Variants in SWI5 observed in about 807,000 individuals in gnomAD.
SWI5 encodes SWI5 homologous recombination repair protein, also known as DNA repair protein SWI5 homolog.
Under a neutral mutation model 17.0 loss-of-function variants are expected in SWI5, and 12 were observed. The observed-to-expected ratio is 0.71, with a 90% CI of 0.45 to 1.14. The LOEUF is 1.14. Ranked by LOEUF, SWI5 falls within the 50% of genes most tolerant of loss-of-function variation. The probability of loss-of-function intolerance (pLI) is 0.00; values close to 1 mark genes in which losing one functional copy is unlikely to be tolerated. For synonymous variants in SWI5, 61 were observed against 64.0 expected (o/e 0.95, Z 0.22); for missense variants, 158 against 162.2 (o/e 0.97, Z 0.14).
At chr9:128,275,980 C>T (rs1248416801), upstream of SWI5, 11 of 1,598,944 alleles carry the variant, frequency 6.9e-6, no homozygotes, top group Non-Finnish European at 9.4e-6. Flanking sequence ...GCCACATCAG[C>T]GCGATCCCGG....
intron 2 of SWI5, among the ~76,000 whole-genome samples, chr9:128,282,222 A>G (rs771219043): frequency 2.8e-4 from 43 of 152,256 alleles, no homozygotes; most frequent in Non-Finnish European, 4.0e-4. Context: ...CCTTGTCTCT[A>G]CTAAAAATGG....
intron 1 of SWI5, 107 bp from the exon 2 acceptor site, chr9:128,276,600 C>T (rs770433029): frequency 5.6e-6 from 9 of 1,609,392 alleles, no homozygotes; most frequent in Non-Finnish European, 7.6e-6. Flanking sequence ...GATCCAGTCC[C>T]TGGCGCTCCT....
chr9:128,276,356 C>A, exon 1 of SWI5: 2 of 1,613,334 alleles, frequency 1.2e-6, no homozygotes, highest in Non-Finnish European at 1.7e-6. Flanking sequence ...CCCTCTTGCG[C>A]CATTGAACCC....
intron 2 of SWI5, among the ~76,000 whole-genome samples, chr9:128,277,608 C>T (rs540780347): frequency 3.3e-5 from 5 of 152,210 alleles, no homozygotes; most frequent in Non-Finnish European, 7.3e-5. Flanking sequence ...ATTGATTTAG[C>T]AACTGCTGCA....
chr9:128,281,652 T>C (rs1235907229), intron 2 of SWI5, among the ~76,000 whole-genome samples: 1 of 152,256 alleles, frequency 6.6e-6, no homozygotes, highest in Non-Finnish European at 1.5e-5. Flanking sequence ...TGTACTGTTG[T>C]AGACACTATG....
At chr9:128,288,587 G>A (rs1292175275) in intron 4 of SWI5, 65 bp from the exon 5 acceptor site, 4 of 1,572,598 alleles carry the variant, frequency 2.5e-6, no homozygotes, top group Admixed American at 1.7e-5. Flanking sequence ...ACTGGCTCGG[G>A]GCATTGGCTG....
chr9:128,275,905 T>G (rs758817038), upstream of SWI5: 3 of 1,573,104 alleles, frequency 1.9e-6, no homozygotes, highest in South Asian at 2.3e-5. Flanking sequence ...TTTTCTTCGC[T>G]GCGGCCAATT....
intron 3 of SWI5, 111 bp downstream of exon 3, chr9:128,284,742 G>A: frequency 1.5e-6 from 2 of 1,337,254 alleles, no homozygotes; most frequent in Non-Finnish European, 2.0e-6. Flanking sequence ...GATCACTTGA[G>A]GTCAGGAGTT....
chr9:128,288,276 C>A (rs976156990), intron 4 of SWI5, among the ~76,000 whole-genome samples: 2 of 152,276 alleles, frequency 1.3e-5, no homozygotes, highest in African/African-American at 4.8e-5. Flanking sequence ...GTTCAGCAGG[C>A]ACAGCATACA....
chr9:128,284,956 TAAAAAAA>T (rs570065202), intron 3 of SWI5, among the ~76,000 whole-genome samples: 4,103 of 84,988 alleles, frequency 0.048, 102 homozygotes, highest in Non-Finnish European at 0.068. Context: ...AATCTGTCTT[TAAAAAAA>T]AAAAAAAAAA....
At chr9:128,288,721 G>A in exon 5 of SWI5, 1 of 1,614,112 alleles carries the variant, frequency 6.2e-7, no homozygotes, top group East Asian at 2.2e-5. Flanking sequence ...GACTGAGCAG[G>A]CTCATCGCCC....
rs748029621 is a variant in SWI5, at chr9:128,276,295, A to C, written c.-46A>C. 57 of 1,612,650 alleles carry C rather than the reference A, an allele frequency of 3.5e-5. No individual in the cohort carries two copies. The highest frequency in any genetic ancestry group is 1.6e-4 in the Middle Eastern group (1 of 6,072). On this transcript the variant is annotated 5_prime_UTR_variant, in exon 1 of 5. Transcript: ENST00000418976. The stretch of plus-strand genomic sequence containing the variant: ...TGCGCCAGTTCACACTCCGGGTCAG[A>C]GTTCCTGGCCCGGTGCACCTGAGAG...
At chr9:128,276,822 C>T in intron 2 of SWI5, 67 bp downstream of exon 2, 1 of 1,493,652 alleles carries the variant, frequency 6.7e-7, no homozygotes, top group South Asian at 1.2e-5. Flanking sequence ...CCCGGCCCCA[C>T]TCCCCATCCC....
upstream of SWI5, chr9:128,276,123 A>G: frequency 3.8e-6 from 6 of 1,566,076 alleles, no homozygotes; most frequent in South Asian, 1.2e-5. Flanking sequence ...AATGAGAAAT[A>G]TGAAGCGGAA....
At chr9:128,276,482 C>A in intron 1 of SWI5, 80 bp downstream of exon 1, 1 of 1,582,090 alleles carries the variant, frequency 6.3e-7, no homozygotes, top group Non-Finnish European at 8.6e-7. Flanking sequence ...CAGAAATCAC[C>A]TCCAAAGACT....
chr9:128,277,669 A>G (rs1831447451), intron 2 of SWI5, among the ~76,000 whole-genome samples: 1 of 152,230 alleles, frequency 6.6e-6, no homozygotes, highest in African/African-American at 2.4e-5. Context: ...CACAGGCAAA[A>G]AAATAATTCC....
intron 4 of SWI5, among the ~76,000 whole-genome samples, chr9:128,287,057 C>A (rs926799112): frequency 6.7e-6 from 1 of 148,626 alleles, no homozygotes; most frequent in African/African-American, 2.5e-5. Context: ...AGGAGACTCG[C>A]TTGAACCCGG....
rs1451929405 is a variant in SWI5 at position 128,284,738 on chromosome 9, T to C, written c.233+107T>C. 12 of 1,361,524 alleles carry C rather than the reference T, an allele frequency of 8.8e-6. No individual in the cohort carries two copies. The African/African-American group carries it at 1.0e-4, about 12-fold the overall frequency. 84.3% of individuals were successfully genotyped at this position (1,361,524 alleles called of 1,614,324 possible). ...TGGGAGGCTGAGGTGGGTGGATCAC[T>C]TGAGGTCAGGAGTTTGAGACCAGCC... is the stretch of plus-strand genomic sequence containing the variant. On this transcript the variant is annotated intron_variant, in intron 3 of 4. Transcript: ENST00000418976.
chr9:128,283,367 T>C (rs1831575623), intron 2 of SWI5, among the ~76,000 whole-genome samples: 2 of 150,722 alleles, frequency 1.3e-5, no homozygotes, highest in South Asian at 4.2e-4. Flanking sequence ...CATGGTGGTG[T>C]GCACCTGTAA....
Sources: gnomAD v4.1 joint callset for allele counts (sites outside exome capture counted in the v4.1 genomes callset) on GRCh38, gnomAD v4.1.1 for gene constraint, MANE v1.5 for transcripts, NCBI Gene and HGNC (gene_info 2026-07-23, HGNC 2026-07-21) for gene names.